The following SNX29 variants were observed in gnomAD, a reference collection of about 807,000 sequenced individuals.
SNX29 encodes the protein sorting nexin 29, also known as sorting nexin-29.
In SNX29, 78 loss-of-function variants were observed where a neutral mutation model predicts 102.1. The ratio of observed to expected loss-of-function variants is 0.76; its 90% CI spans 0.64 to 0.92. The LOEUF (loss-of-function observed/expected upper bound fraction) is 0.92, where lower values mean the gene tolerates loss of function less well. Among genes scored for constraint, SNX29 ranks in the 40% least tolerant of loss-of-function variants. SNX29 has a pLI of 0.00. For synonymous variants in SNX29, 580 were observed against 414.5 expected (o/e 1.40, Z -4.85); for missense variants, 1,280 against 1,061.7 (o/e 1.21, Z -2.86).
At chr16:12,293,614 A>G (rs10518185) in intron 15 of SNX29, among the ~76,000 whole-genome samples, 3,714 of 152,328 alleles carry the variant, frequency 0.024, 72 homozygotes, top group East Asian at 0.12. Context: ...GTGCAAATTA[A>G]CTAAATGAAT....
chr16:12,364,424 T>A (rs1043771083), intron 16 of SNX29, among the ~76,000 whole-genome samples: 2 of 151,976 alleles, frequency 1.3e-5, no homozygotes, highest in African/African-American at 4.8e-5. Flanking sequence ...TTCTTTTTTT[T>A]TTTTTTTACT....
intron 1 of SNX29, among the ~76,000 whole-genome samples, chr16:11,982,762 T>G (rs1210423582): frequency 6.6e-6 from 1 of 151,986 alleles, no homozygotes; most frequent in African/African-American, 2.4e-5. Context: ...GATTCCTGTT[T>G]CAAGGGTGAG....
intron 20 of SNX29, among the ~76,000 whole-genome samples, chr16:12,549,233 T>C (rs2077806725): frequency 6.6e-6 from 1 of 152,174 alleles, no homozygotes; most frequent in African/African-American, 2.4e-5. Context: ...TGGTGGCTCA[T>C]CCCTGTAATC....
At chr16:12,212,501 C>G (rs929155315) in intron 14 of SNX29, among the ~76,000 whole-genome samples, 2 of 114,588 alleles carry the variant, frequency 1.7e-5, no homozygotes, top group African/African-American at 2.7e-5. Context: ...GTTGGAGGAA[C>G]CTGTCCAATC....
At chr16:12,241,009 T>C (rs2078087981) in intron 14 of SNX29, among the ~76,000 whole-genome samples, 1 of 152,248 alleles carries the variant, frequency 6.6e-6, no homozygotes, top group Non-Finnish European at 1.5e-5. Flanking sequence ...CCGGTGACTT[T>C]TTTTGTGTGG....
chr16:12,343,191 A>G (rs2081667132), intron 15 of SNX29, among the ~76,000 whole-genome samples: 1 of 152,218 alleles, frequency 6.6e-6, no homozygotes, highest in Non-Finnish European at 1.5e-5. Flanking sequence ...AGAACACGAC[A>G]AAGAGCCACA....
At chr16:12,543,185 A>G (rs1035228431) in intron 20 of SNX29, among the ~76,000 whole-genome samples, 1 of 152,326 alleles carries the variant, frequency 6.6e-6, no homozygotes, top group East Asian at 1.9e-4. Flanking sequence ...TAGAAGTCCT[A>G]GGAAAAATCA....
At chr16:12,001,455 G>A (rs1171871143) in intron 2 of SNX29, among the ~76,000 whole-genome samples, 1 of 151,732 alleles carries the variant, frequency 6.6e-6, no homozygotes, top group African/African-American at 2.4e-5. Context: ...TTATTTTGAC[G>A]GTTAAAGTGT....
intron 11 of SNX29, among the ~76,000 whole-genome samples, chr16:12,110,165 G>A (rs755372240): frequency 6.6e-6 from 1 of 152,152 alleles, no homozygotes; most frequent in South Asian, 2.1e-4. Flanking sequence ...TGCAGCTCAC[G>A]TGTCTAAAGC....
intron 13 of SNX29, among the ~76,000 whole-genome samples, chr16:12,147,559 G>C (rs146723536): frequency 6.6e-6 from 1 of 152,162 alleles, no homozygotes; most frequent in Non-Finnish European, 1.5e-5. Context: ...AATGGGAAGA[G>C]AGGTGTGGCC....
intron 3 of SNX29, among the ~76,000 whole-genome samples, chr16:12,019,399 G>T (rs996950645): frequency 6.6e-5 from 10 of 151,882 alleles, no homozygotes; most frequent in African/African-American, 2.2e-4. Context: ...TGGAGACAGG[G>T]TTTCACTGTG....
intron 15 of SNX29, among the ~76,000 whole-genome samples, chr16:12,322,131 G>T (rs1391139864): frequency 6.6e-6 from 1 of 152,152 alleles, no homozygotes. Context: ...CTCCCTACCT[G>T]CAGGTTGAGA....
intron 15 of SNX29, among the ~76,000 whole-genome samples, chr16:12,288,059 A>G (rs747366708): frequency 4.4e-4 from 67 of 152,228 alleles, no homozygotes; most frequent in Non-Finnish European, 9.0e-4. Context: ...GTACATCAGC[A>G]TGCCTGTGGT....
intron 20 of SNX29, among the ~76,000 whole-genome samples, chr16:12,538,890 C>A (rs373499844): frequency 1.9e-4 from 28 of 144,748 alleles, no homozygotes; most frequent in African/African-American, 7.4e-4. Context: ...TACACTTGCA[C>A]AGATTAATGA....
intron 16 of SNX29, among the ~76,000 whole-genome samples, chr16:12,363,220 A>G (rs1348066224): frequency 2.0e-5 from 3 of 152,228 alleles, no homozygotes; most frequent in Non-Finnish European, 4.4e-5. Context: ...TTTGGTCGTC[A>G]TCTCAGAGTC....
At chr16:12,402,833 A>G (rs1567527271) in intron 17 of SNX29, among the ~76,000 whole-genome samples, 2 of 152,132 alleles carry the variant, frequency 1.3e-5, no homozygotes, top group East Asian at 3.9e-4. Flanking sequence ...AAAGAGAGGT[A>G]TTTGTACCCA....
chr16:12,524,562 A>C lies in SNX29; in HGVS notation c.2179-140A>C, dbSNP rs570979432. The C allele has an allele frequency of 1.6e-4, 139 of 877,832 alleles. No individual in the cohort carries two copies. The African/African-American group carries it at 2.3e-3, about 14-fold the overall frequency. 54.4% of individuals were successfully genotyped at this position (877,832 alleles called of 1,614,324 possible). Reference sequence around the variant, plus strand: ...CATGTGATACTACATGTAAGGGCTTAGGGACCATTCATACGAGATAGTTGC... The same window carrying C: ...CATGTGATACTACATGTAAGGGCTTCGGGACCATTCATACGAGATAGTTGC... On this transcript the variant is annotated intron_variant, in intron 19 of 20. Coordinates refer to ENST00000566228, the MANE Select transcript of SNX29 (RefSeq NM_032167.5).
intron 19 of SNX29, among the ~76,000 whole-genome samples, chr16:12,506,877 A>G (rs182019053): frequency 1.3e-5 from 2 of 149,976 alleles, no homozygotes; most frequent in Admixed American, 1.3e-4. Context: ...CTCTTTCCTC[A>G]GGCTTGTCCT....
At chr16:12,433,147 C>T (rs1205274744) in intron 18 of SNX29, among the ~76,000 whole-genome samples, 1 of 152,202 alleles carries the variant, frequency 6.6e-6, no homozygotes, top group African/African-American at 2.4e-5. Context: ...GAGGTCCACT[C>T]CCACCACGAG....
Sources: allele counts gnomAD v4.1 joint callset (sites outside exome capture counted in the v4.1 genomes callset), GRCh38; gene constraint gnomAD v4.1.1; transcripts MANE v1.5; gene names NCBI Gene and HGNC (gene_info 2026-07-23, HGNC 2026-07-21).